COG5: variants seen among roughly 807,000 people sequenced by gnomAD.
COG5 encodes the protein conserved oligomeric Golgi complex subunit 5.
Under a neutral mutation model 110.4 loss-of-function variants are expected in COG5, and 86 were observed. The observed-to-expected ratio is 0.78, with a 90% CI of 0.65 to 0.93. The LOEUF is 0.93. Ranked by LOEUF, COG5 falls within the 40% of genes least tolerant of loss-of-function variation. The probability of loss-of-function intolerance (pLI) is 0.00; values close to 1 mark genes in which losing one functional copy is unlikely to be tolerated. For synonymous variants in COG5, 360 were observed against 334.6 expected, an observed-to-expected ratio of 1.08 and a Z score of -0.83; for missense variants, 1,077 against 987.0, an observed-to-expected ratio of 1.09 and a Z score of -1.22.
At chr7:107,479,359 T>C (rs1214523932) in intron 6 of COG5, among the ~76,000 whole-genome samples, 1 of 151,980 alleles carries the variant, frequency 6.6e-6, no homozygotes, top group Non-Finnish European at 1.5e-5. Flanking sequence ...GCAGGGGAAT[T>C]ACAAGGTGAA....
At chr7:107,353,227 C>CAT (rs1415662502) in intron 10 of COG5, among the ~76,000 whole-genome samples, 7 of 151,748 alleles carry the variant, frequency 4.6e-5, no homozygotes, top group African/African-American at 1.7e-4. Context: ...AGATCGAGAC[C>CAT]ATCCTGGCTA....
At chr7:107,288,909 T>TAG (rs1472755951) in intron 12 of COG5, among the ~76,000 whole-genome samples, 10 of 2,986 alleles carry the variant, frequency 3.3e-3, no homozygotes, top group East Asian at 0.013. Context: ...CTAACAGAGA[T>TAG]ATATATATAT....
chr7:107,264,008 G>A (rs1340911043), intron 14 of COG5, among the ~76,000 whole-genome samples: 1 of 152,092 alleles, frequency 6.6e-6, no homozygotes, highest in East Asian at 1.9e-4. Flanking sequence ...GAGTTATAAA[G>A]TTGATGGCTC....
intron 6 of COG5, 86 bp downstream of exon 6, chr7:107,527,151 G>A: frequency 2.4e-6 from 3 of 1,234,814 alleles, no homozygotes; most frequent in Non-Finnish European, 3.4e-6. Flanking sequence ...ACTTGCTAAT[G>A]GTGATAACAA....
chr7:107,249,669 A>G (rs772615174), intron 16 of COG5, among the ~76,000 whole-genome samples: 5 of 150,728 alleles, frequency 3.3e-5, no homozygotes, highest in Non-Finnish European at 5.9e-5. Context: ...TCTGGTAAAA[A>G]TAAATATACA....
Position 107,513,226 on chromosome 7 carries a change from A to T in COG5, c.538+14011T>A, listed in dbSNP as rs958712964. On this transcript the variant is annotated intron_variant, in intron 6 of 21. Coordinates refer to ENST00000297135, the MANE Select transcript of COG5 (RefSeq NM_006348.5). ...GAAAAAAACAGACAACCCCATCAAAAAGTGGGCAAAGGATATGAACAGACA... is the reference window on the plus strand; with the variant it reads ...GAAAAAAACAGACAACCCCATCAAATAGTGGGCAAAGGATATGAACAGACA... Among the ~76,000 whole-genome samples, 62 of 152,334 alleles carry T rather than the reference A, an allele frequency of 4.1e-4. No homozygotes were observed. In the Middle Eastern group the frequency reaches 0.01, roughly 25 times the overall value.
chr7:107,361,934 T>C (rs1053223222), intron 10 of COG5, 99 bp downstream of exon 10: 3 of 761,248 alleles, frequency 3.9e-6, no homozygotes, highest in African/African-American at 3.5e-5. Context: ...CCATCTGATA[T>C]GTAGCCACTC....
chr7:107,386,302 C>G (rs1790191161), intron 7 of COG5, among the ~76,000 whole-genome samples: 1 of 151,966 alleles, frequency 6.6e-6, no homozygotes, highest in African/African-American at 2.4e-5. Context: ...GCCGGGGTTG[C>G]AACTGTTTAT....
At chr7:107,323,986 T>A (rs768476890) in intron 11 of COG5, among the ~76,000 whole-genome samples, 4 of 152,230 alleles carry the variant, frequency 2.6e-5, no homozygotes, top group Non-Finnish European at 5.9e-5. Context: ...AATGACCAAC[T>A]TTTAATTCAC....
chr7:107,231,402 T>TG (rs1306619500), intron 18 of COG5, among the ~76,000 whole-genome samples: 1 of 152,204 alleles, frequency 6.6e-6, no homozygotes, highest in East Asian at 1.9e-4. Context: ...TAGCAAATCT[T>TG]GGTTTCACTT....
intron 6 of COG5, among the ~76,000 whole-genome samples, chr7:107,468,311 A>T (rs1796423327): frequency 6.6e-6 from 1 of 152,166 alleles, no homozygotes; most frequent in Non-Finnish European, 1.5e-5. Context: ...GAACTCTGGC[A>T]GAAAAGCACT....
chr7:107,434,739 G>T (rs1453600674), intron 6 of COG5, among the ~76,000 whole-genome samples: 1 of 152,174 alleles, frequency 6.6e-6, no homozygotes, highest in Non-Finnish European at 1.5e-5. Context: ...GGGAGGCCAA[G>T]GTGGGCGGAT....
At chr7:107,295,819 T>C (rs569463762) in intron 12 of COG5, among the ~76,000 whole-genome samples, 1 of 152,310 alleles carries the variant, frequency 6.6e-6, no homozygotes, top group Non-Finnish European at 1.5e-5. Context: ...TGAGACTGAG[T>C]CTTGCTTTGT....
chr7:107,331,477 GAA>G (rs1810240369), intron 10 of COG5, among the ~76,000 whole-genome samples: 2 of 151,818 alleles, frequency 1.3e-5, no homozygotes, highest in South Asian at 4.2e-4. Context: ...CAAAAAAAAA[GAA>G]AAAGAAAATC....
intron 12 of COG5, among the ~76,000 whole-genome samples, chr7:107,292,163 A>G (rs1806230242): frequency 6.6e-6 from 1 of 152,078 alleles, no homozygotes; most frequent in South Asian, 2.1e-4. Context: ...CAGCCTCCCA[A>G]GTAGCTGGGA....
intron 12 of COG5, among the ~76,000 whole-genome samples, chr7:107,285,087 A>G (rs532595951): frequency 6.6e-6 from 1 of 152,296 alleles, no homozygotes; most frequent in African/African-American, 2.4e-5. Flanking sequence ...CACTCAACAC[A>G]TATTTACTGA....
chr7:107,534,807 G>T (rs1584942088), intron 5 of COG5, among the ~76,000 whole-genome samples: 1 of 151,456 alleles, frequency 6.6e-6, no homozygotes, highest in South Asian at 2.1e-4. Context: ...CTCAGCTCTG[G>T]ACCAAGCAGA....
chr7:107,393,358 A>AC (rs1415251433), intron 7 of COG5, among the ~76,000 whole-genome samples: 3 of 152,018 alleles, frequency 2.0e-5, no homozygotes, highest in African/African-American at 7.3e-5. Flanking sequence ...TCACTGCAAT[A>AC]CCCCATCACG....
intron 6 of COG5, among the ~76,000 whole-genome samples, chr7:107,442,718 G>A (rs1475459301): frequency 1.3e-5 from 2 of 151,284 alleles, no homozygotes; most frequent in Non-Finnish European, 2.9e-5. Context: ...ATTTAGGGTT[G>A]CAGACTCTTT....
Sources: allele counts gnomAD v4.1 joint callset (sites outside exome capture counted in the v4.1 genomes callset), GRCh38; gene constraint gnomAD v4.1.1; transcripts MANE v1.5; gene names NCBI Gene and HGNC (gene_info 2026-07-23, HGNC 2026-07-21).